Variants in LIPK observed in about 807,000 individuals in gnomAD.
LIPK encodes the protein lipase member K.
Under a neutral mutation model 48.6 loss-of-function variants are expected in LIPK, and 32 were observed. The observed-to-expected ratio is 0.66, with a 90% CI of 0.50 to 0.88. The LOEUF is 0.88. Among genes scored for constraint, LIPK ranks in the 40% least tolerant of loss-of-function variants. LIPK has a pLI of 0.00. For synonymous variants in LIPK, 164 were observed against 157.4 expected, an observed-to-expected ratio of 1.04 and a Z score of -0.32; for missense variants, 507 against 478.5, an observed-to-expected ratio of 1.06 and a Z score of -0.56.
intron 3 of LIPK, among the ~76,000 whole-genome samples, chr10:88,729,459 T>G (rs1447858559): frequency 6.6e-6 from 1 of 152,224 alleles, no homozygotes; most frequent in Non-Finnish European, 1.5e-5. Context: ...CAGAGCCAAT[T>G]ATTTCCCAAA....
intron 1 of LIPK, among the ~76,000 whole-genome samples, chr10:88,707,979 C>T (rs1841965619): frequency 6.6e-6 from 1 of 152,092 alleles, no homozygotes; most frequent in African/African-American, 2.4e-5. Flanking sequence ...TCTCTGTAAA[C>T]ACCCAGTGGG....
chr10:88,725,776 CT>C (rs1842325642), intron 2 of LIPK, among the ~76,000 whole-genome samples: 1 of 152,182 alleles, frequency 6.6e-6, no homozygotes, highest in Non-Finnish European at 1.5e-5. Context: ...TTCCCCTCTT[CT>C]TTGTATATCT....
chr10:88,743,863 T>A (rs1029513088), intron 9 of LIPK, among the ~76,000 whole-genome samples: 3 of 152,198 alleles, frequency 2.0e-5, no homozygotes, highest in African/African-American at 7.2e-5. Context: ...ATTCTTACTA[T>A]GGACCTACCT....
intron 6 of LIPK, among the ~76,000 whole-genome samples, chr10:88,736,695 T>C (rs553420602): frequency 1.3e-5 from 2 of 152,298 alleles, no homozygotes; most frequent in East Asian, 3.9e-4. Flanking sequence ...TAATCAACAA[T>C]TAAAATACGG....
At chr10:88,708,581 T>A (rs1386631993) in intron 1 of LIPK, among the ~76,000 whole-genome samples, 1 of 152,114 alleles carries the variant, frequency 6.6e-6, no homozygotes, top group Non-Finnish European at 1.5e-5. Context: ...GTCATATTTT[T>A]AAATCATTGC....
At chr10:88,714,987 T>C (rs549378025) in intron 1 of LIPK, among the ~76,000 whole-genome samples, 4 of 152,136 alleles carry the variant, frequency 2.6e-5, no homozygotes, top group Non-Finnish European at 5.9e-5. Flanking sequence ...ACACTGGCAG[T>C]TAAATCACTA....
At chr10:88,724,734 T>G in intron 2 of LIPK, 86 bp downstream of exon 2, 1 of 838,286 alleles carries the variant, frequency 1.2e-6, no homozygotes, top group Non-Finnish European at 1.8e-6. Flanking sequence ...GCCTTCTTAG[T>G]TTTCAGCAAT....
intron 1 of LIPK, among the ~76,000 whole-genome samples, chr10:88,713,244 ATAG>A (rs1842055781): frequency 6.6e-6 from 1 of 152,236 alleles, no homozygotes; most frequent in African/African-American, 2.4e-5. Context: ...AGAGATAATA[ATAG>A]TAGCACCTAC....
chr10:88,722,778 TG>T (rs1842253498), intron 1 of LIPK, among the ~76,000 whole-genome samples: 1 of 152,192 alleles, frequency 6.6e-6, no homozygotes, highest in Admixed American at 6.5e-5. Flanking sequence ...CATGACCATC[TG>T]TTTGATGTTG....
intron 1 of LIPK, among the ~76,000 whole-genome samples, chr10:88,718,394 T>A (rs1842160004): frequency 6.7e-6 from 1 of 150,094 alleles, no homozygotes; most frequent in Non-Finnish European, 1.5e-5. Context: ...TAAATTTTTA[T>A]CCCATTTGTC....
intron 1 of LIPK, among the ~76,000 whole-genome samples, chr10:88,709,101 A>C (rs61132609): frequency 6.6e-6 from 1 of 152,158 alleles, no homozygotes; most frequent in Non-Finnish European, 1.5e-5. Context: ...TTTGCCTTTT[A>C]AATTCTGCAT....
At chr10:88,710,969 G>A (rs1842016482) in intron 1 of LIPK, among the ~76,000 whole-genome samples, 1 of 152,002 alleles carries the variant, frequency 6.6e-6, no homozygotes, top group East Asian at 1.9e-4. Context: ...CCCAACATTT[G>A]GTGCAGTTGA....
intron 2 of LIPK, among the ~76,000 whole-genome samples, chr10:88,725,981 T>G (rs1426169411): frequency 6.6e-6 from 1 of 152,220 alleles, no homozygotes; most frequent in Non-Finnish European, 1.5e-5. Context: ...CATTTTTTAT[T>G]GCCCTGGCTT....
At chr10:88,711,083 A>G (rs185598226) in intron 1 of LIPK, among the ~76,000 whole-genome samples, 2 of 151,862 alleles carry the variant, frequency 1.3e-5, no homozygotes, top group East Asian at 3.9e-4. Context: ...GTGTTTATTG[A>G]CCTTCCATCT....
At chr10:88,723,371 A>T in intron 1 of LIPK, among the ~76,000 whole-genome samples, 1 of 152,194 alleles carries the variant, frequency 6.6e-6, no homozygotes. Context: ...ATCAAGCTAT[A>T]TTAACCTGTA....
intron 1 of LIPK, among the ~76,000 whole-genome samples, chr10:88,717,423 T>A (rs1842140098): frequency 6.6e-6 from 1 of 152,190 alleles, no homozygotes; most frequent in African/African-American, 2.4e-5. Flanking sequence ...AGTTATGCTG[T>A]CTTTAGCATT....
chr10:88,750,838 C>T (rs960735404), intron 9 of LIPK, among the ~76,000 whole-genome samples: 3 of 152,078 alleles, frequency 2.0e-5, no homozygotes, highest in East Asian at 1.9e-4. Flanking sequence ...AACCAGAATA[C>T]GACCCAGGTT....
chr10:88,710,025 C>G (rs1174140756), intron 1 of LIPK, among the ~76,000 whole-genome samples: 1 of 151,858 alleles, frequency 6.6e-6, no homozygotes, highest in African/African-American at 2.4e-5. Flanking sequence ...ATATACAATT[C>G]TTTTGCCCAA....
chr10:88,717,693 G>C (rs926452974), intron 1 of LIPK, among the ~76,000 whole-genome samples: 1 of 152,106 alleles, frequency 6.6e-6, no homozygotes, highest in African/African-American at 2.4e-5. Context: ...ACAAAAATAA[G>C]CTGAATGCAC....
Sources: gnomAD v4.1 joint callset for allele counts (sites outside exome capture counted in the v4.1 genomes callset) on GRCh38, gnomAD v4.1.1 for gene constraint, MANE v1.5 for transcripts, NCBI Gene and HGNC (gene_info 2026-07-23, HGNC 2026-07-21) for gene names.